ANO4: variants seen among roughly 807,000 people sequenced by gnomAD.
The protein encoded by ANO4 is anoctamin-4.
ANO4 carries 69 observed loss-of-function variants against 141.9 expected under a neutral mutation model. The ratio of observed to expected loss-of-function variants is 0.49; its 90% confidence interval spans 0.40 to 0.59. The LOEUF (loss-of-function observed/expected upper bound fraction) is 0.59. ANO4 is among the 20% of genes least tolerant of loss of function. The pLI is 0.00. For synonymous variants in ANO4, 350 were observed against 394.3 expected (o/e 0.89, Z 1.33); for missense variants, 894 against 1,162.2 (o/e 0.77, Z 3.36).
At chr12:100,721,743 A>T (rs1046353370) in intron 1 of ANO4, among the ~76,000 whole-genome samples, 1 of 151,980 alleles carries the variant, frequency 6.6e-6, no homozygotes, top group Non-Finnish European at 1.5e-5. Context: ...CAGTGGCATG[A>T]TCCTGGCTCA....
At chr12:100,723,397 T>A (rs935633756) in intron 1 of ANO4, among the ~76,000 whole-genome samples, 3 of 152,128 alleles carry the variant, frequency 2.0e-5, no homozygotes, top group African/African-American at 7.2e-5. Flanking sequence ...GATAGTCATC[T>A]TCTTGCTGGA....
chr12:100,912,449 G>A (rs1024500888), intron 2 of ANO4, among the ~76,000 whole-genome samples: 2 of 145,898 alleles, frequency 1.4e-5, no homozygotes, highest in Non-Finnish European at 3.0e-5. Context: ...CAGGAGAATC[G>A]CTTGAATCCG....
intron 14 of ANO4, among the ~76,000 whole-genome samples, chr12:101,048,812 A>G (rs1309592709): frequency 2.0e-5 from 3 of 152,138 alleles, no homozygotes; most frequent in Non-Finnish European, 4.4e-5. Context: ...ACCCCTAAAA[A>G]CAAGGTCTAT....
At chr12:100,996,502 G>A (rs1246309249) in intron 8 of ANO4, among the ~76,000 whole-genome samples, 1 of 152,150 alleles carries the variant, frequency 6.6e-6, no homozygotes, top group Non-Finnish European at 1.5e-5. Flanking sequence ...CTGCCAACAT[G>A]GTGAAACCCT....
At chr12:100,915,080 T>C (rs543076756) in intron 2 of ANO4, among the ~76,000 whole-genome samples, 22 of 152,262 alleles carry the variant, frequency 1.4e-4, no homozygotes, top group Admixed American at 1.3e-3. Context: ...CTCAGCCTCC[T>C]GCAGCTCTGG....
intron 1 of ANO4, among the ~76,000 whole-genome samples, chr12:100,732,741 C>G (rs2031432409): frequency 6.6e-6 from 1 of 152,210 alleles, no homozygotes; most frequent in Non-Finnish European, 1.5e-5. Context: ...GAGCTCTCTT[C>G]TGCCACATGC....
At chr12:101,118,474 G>A (rs1032840915) in intron 25 of ANO4, among the ~76,000 whole-genome samples, 1 of 152,152 alleles carries the variant, frequency 6.6e-6, no homozygotes, top group Non-Finnish European at 1.5e-5. Context: ...TTAAAATCAT[G>A]TAAAATAATA....
intron 2 of ANO4, among the ~76,000 whole-genome samples, chr12:100,908,863 A>G (rs1658515263): frequency 6.6e-6 from 1 of 152,246 alleles, no homozygotes; most frequent in African/African-American, 2.4e-5. Context: ...TTTCTGTTCC[A>G]TCTGCCTGAA....
At chr12:100,882,156 A>G (rs1464475337) in intron 1 of ANO4, among the ~76,000 whole-genome samples, 1 of 152,198 alleles carries the variant, frequency 6.6e-6, no homozygotes, top group East Asian at 1.9e-4. Context: ...GTATTAACTC[A>G]TGGAATCTTC....
At chr12:100,899,613 T>C (rs2040496495) in intron 1 of ANO4, among the ~76,000 whole-genome samples, 1 of 152,196 alleles carries the variant, frequency 6.6e-6, no homozygotes. Flanking sequence ...CATCCTTCCT[T>C]AAGATTTGCT....
rs751132415 is a variant in ANO4, at chr12:100,733,819, C to T, written c.68C>T (p.Thr23Met). 1.1e-4 allele frequency: 78 copies of T among 702,040 alleles called. 1 individual carries two copies. The highest frequency in any genetic ancestry group is 1.7e-4 in the Non-Finnish European group (64 of 384,532). The allele number at this position is 702,040 out of a possible 1,614,324, so 43.5% of individuals were successfully genotyped here. ...AGTTATAACCTTTCCTCTGCAACGA[C>T]GGGCAGCTACTACAGTTGTGTCAGC... is the stretch of plus-strand genomic sequence containing the variant. Residue 23 changes from threonine (T) to methionine (M), a missense_variant, in exon 2 of 30, where the codon ACG (threonine) becomes ATG (methionine). Coordinates refer to the ANO4 transcript ENST00000644049.
At chr12:101,117,080 TTA>T (rs1376082037) in intron 25 of ANO4, among the ~76,000 whole-genome samples, 3 of 152,150 alleles carry the variant, frequency 2.0e-5, no homozygotes, top group African/African-American at 7.2e-5. Context: ...GTAGTGAAGG[TTA>T]TACCGCTGCT....
intron 3 of ANO4, among the ~76,000 whole-genome samples, chr12:100,936,959 G>A (rs2042311282): frequency 6.6e-6 from 1 of 152,156 alleles, no homozygotes; most frequent in African/African-American, 2.4e-5. Flanking sequence ...CTCTGACTTG[G>A]TTAAACGATA....
chr12:100,831,569 G>T (rs969397110), intron 1 of ANO4, among the ~76,000 whole-genome samples: 1 of 152,084 alleles, frequency 6.6e-6, no homozygotes, highest in African/African-American at 2.4e-5. Context: ...AGGGCACTGG[G>T]CTCCTCAGTG....
chr12:101,095,889 G>A (rs2049963184), intron 18 of ANO4, among the ~76,000 whole-genome samples: 2 of 152,162 alleles, frequency 1.3e-5, no homozygotes, highest in African/African-American at 4.8e-5. Context: ...TTTGCTTTAT[G>A]GAAGTTGAAA....
intron 8 of ANO4, among the ~76,000 whole-genome samples, chr12:100,992,772 A>C (rs2045198896): frequency 6.6e-6 from 1 of 152,236 alleles, no homozygotes; most frequent in African/African-American, 2.4e-5. Flanking sequence ...AAATTGGCAC[A>C]CAATGCTGGT....
At chr12:100,789,285 C>G (rs1168999769) in intron 3 of ANO4, among the ~76,000 whole-genome samples, 1 of 152,044 alleles carries the variant, frequency 6.6e-6, no homozygotes, top group Non-Finnish European at 1.5e-5. Context: ...CAAGGCCTTC[C>G]CACTCCACTC....
chr12:101,014,207 T>TG (rs2046223212), intron 8 of ANO4, among the ~76,000 whole-genome samples: 1 of 152,176 alleles, frequency 6.6e-6, no homozygotes. Flanking sequence ...TATCACAGCA[T>TG]TTTACAACAC....
intron 3 of ANO4, among the ~76,000 whole-genome samples, chr12:100,778,050 G>C (rs1659288934): frequency 2.0e-5 from 3 of 151,668 alleles, no homozygotes; most frequent in Non-Finnish European, 2.9e-5. Context: ...CTCCCGAGTA[G>C]CTGGGACTAC....
Sources: allele counts gnomAD v4.1 joint callset (sites outside exome capture counted in the v4.1 genomes callset), GRCh38; gene constraint gnomAD v4.1.1; transcripts MANE v1.5; gene names NCBI Gene and HGNC (gene_info 2026-07-23, HGNC 2026-07-21).